SPATA16: variants seen among roughly 807,000 people sequenced by gnomAD.
SPATA16 encodes spermatogenesis-associated protein 16.
Under a neutral mutation model 63.3 loss-of-function variants are expected in SPATA16, and 36 were observed. The observed-to-expected ratio is 0.57, with a 90% CI of 0.44 to 0.75. The LOEUF is 0.75. Ranked by LOEUF, SPATA16 falls within the 30% of genes least tolerant of loss-of-function variation. SPATA16 has a pLI of 0.00. For missense variants in SPATA16, 646 were observed against 679.3 expected (o/e 0.95, Z 0.54); for synonymous variants, 203 against 216.7 (o/e 0.94, Z 0.56).
chr3:173,127,378 A>C (rs1172332918), intron 1 of SPATA16, among the ~76,000 whole-genome samples: 1 of 152,200 alleles, frequency 6.6e-6, no homozygotes, highest in African/African-American at 2.4e-5. Flanking sequence ...TTGATATGAT[A>C]CTATTGTCTA....
intron 4 of SPATA16, among the ~76,000 whole-genome samples, chr3:172,989,104 G>A (rs999749974): frequency 2.0e-5 from 3 of 152,086 alleles, no homozygotes; most frequent in African/African-American, 7.2e-5. Context: ...TCTTTCCAAT[G>A]TGTTCTGCTT....
intron 5 of SPATA16, among the ~76,000 whole-genome samples, chr3:172,973,994 T>C (rs1734100894): frequency 6.6e-6 from 1 of 152,198 alleles, no homozygotes; most frequent in African/African-American, 2.4e-5. Flanking sequence ...CAAACACTTA[T>C]TCAAAGTGAT....
intron 6 of SPATA16, among the ~76,000 whole-genome samples, chr3:172,927,872 A>T (rs1732776732): frequency 6.6e-6 from 1 of 152,130 alleles, no homozygotes; most frequent in African/African-American, 2.4e-5. Context: ...TAGGCATCTT[A>T]ACATACAGAT....
intron 1 of SPATA16, among the ~76,000 whole-genome samples, chr3:173,127,994 G>A (rs980099767): frequency 6.6e-6 from 1 of 152,060 alleles, no homozygotes; most frequent in Non-Finnish European, 1.5e-5. Flanking sequence ...TCAGATGGAG[G>A]GCTAGTCACC....
chr3:173,023,131 TTGTGTA>T (rs1242280575), intron 3 of SPATA16, among the ~76,000 whole-genome samples: 3 of 135,350 alleles, frequency 2.2e-5, no homozygotes, highest in South Asian at 2.3e-4. Context: ...GATTTGATGC[TTGTGTA>T]TGTGTGTGTG....
chr3:173,072,297 G>A (rs760550116), intron 2 of SPATA16, among the ~76,000 whole-genome samples: 1 of 152,182 alleles, frequency 6.6e-6, no homozygotes, highest in Admixed American at 6.5e-5. Context: ...ATCATCATAA[G>A]TGAATTAATG....
intron 4 of SPATA16, among the ~76,000 whole-genome samples, chr3:173,015,064 CTTTT>C (rs34843727): frequency 2.2e-5 from 3 of 136,516 alleles, no homozygotes; most frequent in Admixed American, 7.2e-5. Flanking sequence ...TCTTTTTTCT[CTTTT>C]TTTTTTTTTT....
At chr3:173,024,780 T>C (rs1735414645) in intron 3 of SPATA16, among the ~76,000 whole-genome samples, 2 of 150,766 alleles carry the variant, frequency 1.3e-5, no homozygotes, top group African/African-American at 4.8e-5. Context: ...ATTTATTCAT[T>C]TGTTTTTATA....
rs75090474 is a variant in SPATA16 at position 172,969,117 on chromosome 3, T to C, written c.933+7851A>G. ...ACTAAAGAATATTGCATGCCCATTG[T>C]TGTCTAGATGTGACACTTAAGCAGC... On this transcript the variant is annotated intron_variant, in intron 5 of 10. Transcript: ENST00000351008. 6.2e-3 allele frequency among the ~76,000 whole-genome samples: 873 copies of C among 139,770 alleles called. 10 individuals are homozygous for C. The highest frequency in any genetic ancestry group is 0.021 in the African/African-American group (843 of 40,550). 91.7% of individuals were successfully genotyped at this position (139,770 alleles called of 152,430 possible).
chr3:172,898,119 A>G (rs1426574352), intron 10 of SPATA16, among the ~76,000 whole-genome samples: 1 of 152,034 alleles, frequency 6.6e-6, no homozygotes, highest in African/African-American at 2.4e-5. Context: ...GTTATGGTAT[A>G]TAATTTTTAA....
chr3:173,038,455 T>G (rs1450986633), intron 3 of SPATA16, among the ~76,000 whole-genome samples: 1 of 152,086 alleles, frequency 6.6e-6, no homozygotes, highest in Non-Finnish European at 1.5e-5. Context: ...CTTCCAGTTT[T>G]CTTCTAAGCT....
At chr3:172,927,823 C>G (rs144069841) in intron 6 of SPATA16, among the ~76,000 whole-genome samples, 2,927 of 152,282 alleles carry the variant, frequency 0.019, 30 homozygotes, top group Middle Eastern at 0.058. Flanking sequence ...GAAAAGTATA[C>G]TAAATGCTGA....
At chr3:173,023,381 C>T (rs1028196265) in intron 3 of SPATA16, among the ~76,000 whole-genome samples, 2 of 151,948 alleles carry the variant, frequency 1.3e-5, no homozygotes, top group African/African-American at 4.8e-5. Flanking sequence ...CTGCCTAATT[C>T]TGTGACAGAA....
At chr3:173,050,684 C>T (rs941801870) in intron 2 of SPATA16, among the ~76,000 whole-genome samples, 1 of 151,936 alleles carries the variant, frequency 6.6e-6, no homozygotes, top group Non-Finnish European at 1.5e-5. Context: ...GGGTTTCACC[C>T]TCAAATAATT....
chr3:173,110,159 A>G (rs1002655481), intron 2 of SPATA16, among the ~76,000 whole-genome samples: 1 of 152,218 alleles, frequency 6.6e-6, no homozygotes, highest in Non-Finnish European at 1.5e-5. Context: ...AACGACAACA[A>G]CAATCAAGTT....
intron 10 of SPATA16, among the ~76,000 whole-genome samples, chr3:172,893,189 A>G (rs1458071685): frequency 6.6e-6 from 1 of 152,232 alleles, no homozygotes; most frequent in African/African-American, 2.4e-5. Context: ...CCAGTACTTT[A>G]GAATGTGGCC....
intron 2 of SPATA16, among the ~76,000 whole-genome samples, chr3:173,062,055 T>A (rs1285192696): frequency 6.6e-6 from 1 of 150,618 alleles, no homozygotes; most frequent in African/African-American, 2.5e-5. Flanking sequence ...TTTTTTTTTT[T>A]TTTTTTTTTT....
rs1312630647 is a variant in SPATA16, at chr3:172,889,580, T to C, written c.1700A>G (p.Gln567Arg). Residue 567 changes from glutamine to arginine, a missense_variant, in exon 11 of 11, where the codon CAG becomes CGG. Gln to Arg is a conservative substitution (Grantham distance 43). Coordinates refer to ENST00000351008, the MANE Select transcript of SPATA16 (RefSeq NM_031955.6). ...CCTGCTCCCTAATGACTACCTTTGC[T>C]GAACAGTTTGAAGTCGCTTCATTTT... ...KTKMKRLQTV[Q>R]QR 6.2e-7 allele frequency: 1 copy of C among 1,613,792 alleles called. No individual in the cohort carries two copies. Among genetic ancestry groups the C allele is most frequent in the Admixed American group, 1.7e-5 (1 of 60,030 alleles).
rs116623129 is a variant in SPATA16 at position 172,980,530 on chromosome 3, T to C, written c.849-3478A>G. 5.1e-3 allele frequency among the ~76,000 whole-genome samples: 772 copies of C among 152,304 alleles called. 5 individuals carry two copies. The highest frequency in any genetic ancestry group is 0.018 in the African/African-American group (734 of 41,562). On this transcript the variant is annotated intron_variant, in intron 4 of 10. Coordinates refer to ENST00000351008, the MANE Select transcript of SPATA16 (RefSeq NM_031955.6). ...ACCCTTTTAACTGACGATCGGCGGC[T>C]TAACATCTGCTAATTTTGAGCCTTT...
Sources: gnomAD v4.1 joint callset for allele counts (sites outside exome capture counted in the v4.1 genomes callset) on GRCh38, gnomAD v4.1.1 for gene constraint, MANE v1.5 for transcripts, NCBI Gene and HGNC (gene_info 2026-07-23, HGNC 2026-07-21) for gene names.